SLC39A6: variants seen among roughly 807,000 people sequenced by gnomAD.
The protein encoded by SLC39A6 is zinc transporter ZIP6.
A neutral mutation model predicts 63.5 loss-of-function variants in SLC39A6; 51 were observed. The ratio of observed to expected loss-of-function variants is 0.80; its 90% CI spans 0.64 to 1.01. The LOEUF is 1.01. Among genes scored for constraint, SLC39A6 ranks in the 50% least tolerant of loss-of-function variants. The pLI is 0.00. For missense variants in SLC39A6, 805 were observed against 927.8 expected (o/e 0.87, Z 1.72); for synonymous variants, 318 against 324.7 (o/e 0.98, Z 0.22).
At position 36,108,603 on chromosome 18, in the gene SLC39A6, C is replaced by G. The variant is rs2089278216; in HGVS notation, c.*990G>C. ...AATGCCACAGACAGGCCTAGTATGGCTACAGTACCGTATATAAAAGACAAT... is the reference window on the plus strand; with the variant it reads ...AATGCCACAGACAGGCCTAGTATGGGTACAGTACCGTATATAAAAGACAAT... On this transcript the variant is annotated 3_prime_UTR_variant, in exon 10 of 10. Transcript: ENST00000269187. 6.6e-6 allele frequency: 1 copy of G among 152,110 alleles called. No individual in the cohort carries two copies. Among genetic ancestry groups the G allele is most frequent in the Non-Finnish European group, 1.5e-5 (1 of 68,012 alleles). 9.4% of individuals were successfully genotyped at this position (152,110 alleles called of 1,614,324 possible). A position where few individuals can be genotyped will look rare whatever the true frequency, so the allele number is the denominator to read the frequency against.
At position 36,124,690 on chromosome 18, in the gene SLC39A6, G is replaced by T; in HGVS notation, c.800C>A (p.Ala267Glu). 1.9e-6 allele frequency: 3 copies of T among 1,542,662 alleles called. No individual in the cohort carries two copies. Among genetic ancestry groups the T allele is most frequent in the Non-Finnish European group, 2.7e-6 (3 of 1,126,812 alleles). The part of the protein sequence containing the change: ...TNENPQECFN[A>E]SKLLTSHGMG... ...GCCATGAGATGTCAGTAGCTTTGAT[G>T]CATTGAAACACTGAAAGAAACAAAG... The change falls in exon 3 of 10, where the codon GCA becomes GAA. Residue 267 changes from alanine (A) to glutamate (E), a missense_variant. By Grantham distance (107) the Ala-to-Glu change is moderately radical. Coordinates refer to ENST00000269187, the MANE Select transcript of SLC39A6 (RefSeq NM_012319.4).
chr18:36,124,606 A>G lies in SLC39A6; in HGVS notation c.884T>C (p.Ile295Thr). Residue 295 changes from isoleucine to threonine, a missense_variant, in exon 3 of 10, where the codon ATC (isoleucine) becomes ACC (threonine). Physicochemically the swap from Ile to Thr is moderately conservative, Grantham distance 89. Transcript: ENST00000269187. ...TEFNYLCPAIINQIDARSCLI... is the reference protein window; with the variant it reads ...TEFNYLCPAITNQIDARSCLI... ...ACAAGATCTAGCATCAATTTGGTTG[A>G]TGATGGCTGGACAGAGATAGTTGAA... 1 of 1,599,852 alleles carries G rather than the reference A, an allele frequency of 6.3e-7. No homozygotes were observed. Among genetic ancestry groups the G allele is most frequent in the Middle Eastern group, 1.7e-4 (1 of 6,014 alleles).
intron 4 of SLC39A6, among the ~76,000 whole-genome samples, chr18:36,122,961 G>C (rs530633125): frequency 6.6e-6 from 1 of 152,314 alleles, no homozygotes; most frequent in South Asian, 2.1e-4. Context: ...CCACATACTT[G>C]AAAACCTTTA....
intron 6 of SLC39A6, among the ~76,000 whole-genome samples, chr18:36,114,962 T>C (rs1054720725): frequency 6.6e-6 from 1 of 152,228 alleles, no homozygotes; most frequent in African/African-American, 2.4e-5. Context: ...CCGAATTATT[T>C]CATCATCACC....
rs578243421 is a variant in SLC39A6, at chr18:36,115,823, C to T, written c.1465+851G>A. On this transcript the variant is annotated intron_variant, in intron 6 of 9. Transcript: ENST00000269187. ...ATGAATCTTAACTCAGTCTGTCCGA[C>T]AAGATATGCCAAGCAAACAGCCAAG... is the stretch of plus-strand genomic sequence containing the variant. 3.2e-4 allele frequency among the ~76,000 whole-genome samples: 48 copies of T among 152,166 alleles called. 2 individuals carry two copies. The South Asian group carries it at 9.1e-3, about 29-fold the overall frequency.
intron 2 of SLC39A6, among the ~76,000 whole-genome samples, chr18:36,125,123 T>G (rs1429212271): frequency 6.6e-6 from 1 of 152,172 alleles, no homozygotes; most frequent in East Asian, 1.9e-4. Context: ...GACATGCCTC[T>G]CTTCTAGTAA....
chr18:36,122,990 A>C (rs1288893542), intron 4 of SLC39A6, among the ~76,000 whole-genome samples: 1 of 152,250 alleles, frequency 6.6e-6, no homozygotes, highest in Non-Finnish European at 1.5e-5. Context: ...TTAAAGAATG[A>C]AACACGCATA....
chr18:36,112,582 C>A lies in SLC39A6; in HGVS notation c.1844-1G>T. 26 of 1,612,110 alleles carry A rather than the reference C, an allele frequency of 1.6e-5. No homozygotes were observed. The highest frequency in any genetic ancestry group is 2.2e-5 in the Non-Finnish European group (26 of 1,178,612). On this transcript the variant is annotated splice_acceptor_variant, in intron 7 of 9. Coordinates refer to ENST00000269187, the MANE Select transcript of SLC39A6 (RefSeq NM_012319.4). LOFTEE classifies it high-confidence loss of function. ...GATAAGCCTTCAGTAAAAGCAGCAC[C>A]TGTGTAAAAATCAATCAGAAAAAGT... is the stretch of plus-strand genomic sequence containing the variant.
At chr18:36,114,499 G>A in intron 6 of SLC39A6, 25 bp from the exon 7 acceptor site, 1 of 1,566,390 alleles carries the variant, frequency 6.4e-7, no homozygotes, top group Non-Finnish European at 8.7e-7. Context: ...AAAGGGCATG[G>A]GGACAGTTAG....
chr18:36,125,481 G>A (rs2089429553), intron 2 of SLC39A6, among the ~76,000 whole-genome samples: 1 of 152,116 alleles, frequency 6.6e-6, no homozygotes, highest in Admixed American at 6.5e-5. Context: ...TATCACCAGG[G>A]CTGCTATGGC....
chr18:36,111,479 C>CTTTTTTTTTTTT, intron 8 of SLC39A6, among the ~76,000 whole-genome samples: 1 of 110,610 alleles, frequency 9.0e-6, no homozygotes, highest in Non-Finnish European at 2.0e-5. Context: ...GATGTACAAA[C>CTTTTTTTTTTTT]TTTTTTTTTT....
In SLC39A6 at chr18:36,126,465, A is replaced by G. The variant is rs187686791; in HGVS notation, c.543T>C (p.Ser181=). Residue 181 remains serine, a synonymous_variant, in exon 2 of 10, where the codon AGT becomes AGC. Coordinates refer to ENST00000269187, the MANE Select transcript of SLC39A6 (RefSeq NM_012319.4). ...TTGAGGTCACTTCACTAGCACTAAC[A>G]CTGTCCTTGACATTCCTTCTACCAC... ...HASGRRNVKD[S]VSASEVTSTV... 1.9e-6 allele frequency: 3 copies of G among 1,614,184 alleles called. No individual in the cohort carries two copies. In the African/African-American group the frequency reaches 4.0e-5, roughly 22 times the overall value.
At chr18:36,124,308 GA>G (rs79324201) in intron 3 of SLC39A6, among the ~76,000 whole-genome samples, 54,234 of 151,804 alleles carry the variant, frequency 0.36, 10,594 homozygotes, top group South Asian at 0.56. Context: ...TGAACCCAGA[GA>G]AGTCATAATT....
In SLC39A6 at chr18:36,109,759, T is replaced by C. The variant is rs1158637803; in HGVS notation, c.2116-14A>G. ...CATTTCAGGTACCTTTAAAAAAAAG[T>C]AAGGGAAAATAAGAGTGACATTTAA... On this transcript the variant is annotated splice_polypyrimidine_tract_variant and intron_variant, in intron 9 of 9. Coordinates refer to ENST00000269187, the MANE Select transcript of SLC39A6 (RefSeq NM_012319.4). The C allele has an allele frequency of 2.5e-6, 4 of 1,586,198 alleles. No individual in the cohort carries two copies. In the African/African-American group the frequency reaches 5.5e-5, roughly 22 times the overall value.
chr18:36,126,238 G>T lies in SLC39A6; in HGVS notation c.770C>A (p.Thr257Lys). ...TCTTACCTCCTGAGGATTTTCATTT[G>T]TGTTTCTGGAATACATAAAGCCTTT... ...PRKGFMYSRNTNENPQECFNA... is the reference protein window; with the variant it reads ...PRKGFMYSRNKNENPQECFNA... Residue 257 changes from threonine to lysine, a missense_variant, in exon 2 of 10, where the codon ACA becomes AAA. Physicochemically the swap from Thr to Lys is moderately conservative, Grantham distance 78. Around this residue, in one of 4 missense-constraint regions of SLC39A6, gnomAD observed 639 missense variants for 644.0 expected, o/e 0.99. Transcript: ENST00000269187. The T allele has an allele frequency of 6.2e-7, 1 of 1,613,816 alleles. No homozygotes were observed. The highest frequency in any genetic ancestry group is 1.1e-5 in the South Asian group (1 of 91,082).
intron 5 of SLC39A6, among the ~76,000 whole-genome samples, chr18:36,120,398 T>C (rs1437205841): frequency 6.6e-6 from 1 of 152,218 alleles, no homozygotes; most frequent in Non-Finnish European, 1.5e-5. Context: ...ACTTCTTCCC[T>C]CTATATTTAG....
At chr18:36,118,246 T>A (rs2089364109) in intron 5 of SLC39A6, among the ~76,000 whole-genome samples, 1 of 152,200 alleles carries the variant, frequency 6.6e-6, no homozygotes, top group Admixed American at 6.5e-5. Flanking sequence ...CCCACAGTGT[T>A]CCCTATGCTA....
intron 1 of SLC39A6, among the ~76,000 whole-genome samples, chr18:36,127,554 C>T (rs1336914362): frequency 2.0e-5 from 3 of 151,742 alleles, no homozygotes; most frequent in African/African-American, 7.3e-5. Flanking sequence ...TGATCATCAC[C>T]ATCATTTCAT....
intron 7 of SLC39A6, among the ~76,000 whole-genome samples, chr18:36,113,634 A>T (rs2089320054): frequency 6.6e-6 from 1 of 152,250 alleles, no homozygotes; most frequent in African/African-American, 2.4e-5. Flanking sequence ...GTGGTATAAC[A>T]ATTTATTAGC....
Sources: allele counts gnomAD v4.1 joint callset (sites outside exome capture counted in the v4.1 genomes callset), GRCh38; gene constraint gnomAD v4.1.1; regional missense constraint gnomAD v4.1.1; transcripts MANE v1.5; gene names NCBI Gene and HGNC (gene_info 2026-07-23, HGNC 2026-07-21).